Variants in CLIP1 observed in about 807,000 individuals in gnomAD.
The protein encoded by CLIP1 is CAP-Gly domain-containing linker protein 1.
In CLIP1, 66 loss-of-function variants were observed where a neutral mutation model predicts 161.6. The observed-to-expected ratio is 0.41, with a 90% CI of 0.33 to 0.50. CLIP1 has a LOEUF of 0.50. CLIP1 is among the 20% of genes least tolerant of loss of function. The pLI, the probability that CLIP1 is intolerant of heterozygous loss-of-function variation, is 0.27. For missense variants in CLIP1, 1,376 were observed against 1,702.0 expected (o/e 0.81, Z 3.37); for synonymous variants, 598 against 626.2 (o/e 0.96, Z 0.67).
At chr12:122,315,603 G>A (rs1053394980) in intron 19 of CLIP1, among the ~76,000 whole-genome samples, 3 of 151,556 alleles carry the variant, frequency 2.0e-5, no homozygotes, top group Non-Finnish European at 2.9e-5. Flanking sequence ...CTTCCAAAAT[G>A]CTGGTCATTT....
chr12:122,274,273 G>C, intron 24 of CLIP1, 111 bp from the exon 25 acceptor site: 1 of 840,940 alleles, frequency 1.2e-6, no homozygotes, highest in Non-Finnish European at 1.9e-6. Flanking sequence ...TGTGCAGAAG[G>C]GGCCAACAGC....
chr12:122,365,423 CG>C, intron 3 of CLIP1: 2 of 786,276 alleles, frequency 2.5e-6, no homozygotes, highest in Non-Finnish European at 4.6e-6. Context: ...AAATAATGTG[CG>C]TATGGAGCAC....
intron 1 of CLIP1, among the ~76,000 whole-genome samples, chr12:122,381,745 A>G (rs1187431974): frequency 6.6e-6 from 1 of 152,228 alleles, no homozygotes; most frequent in Non-Finnish European, 1.5e-5. Context: ...CTGGCCAGGG[A>G]TGACAAAGGT....
chr12:122,350,979 C>A, intron 9 of CLIP1, 132 bp downstream of exon 9: 2 of 602,380 alleles, frequency 3.3e-6, no homozygotes, highest in South Asian at 2.8e-5. Flanking sequence ...AAGCCACATG[C>A]ACAGAAACAT....
At chr12:122,329,323 C>T (rs4758665) in intron 15 of CLIP1, among the ~76,000 whole-genome samples, 94,736 of 151,120 alleles carry the variant, frequency 0.63, 29,975 homozygotes, top group Non-Finnish European at 0.64. Flanking sequence ...CAAGACTCTG[C>T]CTCAATTAAA....
intron 25 of CLIP1, among the ~76,000 whole-genome samples, chr12:122,273,410 C>CA (rs1198171174): frequency 1.3e-5 from 2 of 151,600 alleles, no homozygotes; most frequent in Admixed American, 6.6e-5. Flanking sequence ...CCACCCCACA[C>CA]AGTTACTTTT....
chr12:122,295,391 A>C (rs1207028851), intron 20 of CLIP1, among the ~76,000 whole-genome samples: 1 of 152,184 alleles, frequency 6.6e-6, no homozygotes, highest in Non-Finnish European at 1.5e-5. Context: ...AAGAAACTAG[A>C]TACATAAGGC....
chr12:122,390,033 C>T (rs907705571), intron 1 of CLIP1, among the ~76,000 whole-genome samples: 3 of 149,112 alleles, frequency 2.0e-5, no homozygotes, highest in African/African-American at 7.4e-5. Context: ...CCATGTGACG[C>T]GCCTGTTCCC....
Position 122,316,810 on chromosome 12 carries a change from T to C in CLIP1, c.3412A>G (p.Asn1138Asp). ...ACAGTCAGGAGTTCTTTTGATTTGTTCAGCTCTTCCACATTTTTCAAGTTG... is the reference window on the plus strand; with the variant it reads ...ACAGTCAGGAGTTCTTTTGATTTGTCCAGCTCTTCCACATTTTTCAAGTTG... ...ENNLKNVEELNKSKELLTVEN... is the reference protein window; with the variant it reads ...ENNLKNVEELDKSKELLTVEN... The change falls in exon 19 of 26, where the codon AAC becomes GAC. Residue 1138 changes from asparagine to aspartate, a missense_variant. Coordinates refer to ENST00000620786, the MANE Select transcript of CLIP1 (RefSeq NM_001247997.2). 1 of 1,597,280 alleles carries C rather than the reference T, an allele frequency of 6.3e-7. No individual in the cohort carries two copies. Among genetic ancestry groups the C allele is most frequent in the South Asian group, 1.2e-5 (1 of 85,472 alleles).
At chr12:122,413,820 T>A (rs1000267322) in intron 1 of CLIP1, among the ~76,000 whole-genome samples, 5 of 151,728 alleles carry the variant, frequency 3.3e-5, no homozygotes, top group Admixed American at 1.3e-4. Context: ...ACCCACCCAT[T>A]GAGTTAGTGC....
intron 20 of CLIP1, among the ~76,000 whole-genome samples, chr12:122,302,624 A>C (rs1176354623): frequency 1.3e-5 from 2 of 151,754 alleles, no homozygotes; most frequent in African/African-American, 4.8e-5. Flanking sequence ...TTGAGACAGA[A>C]TCTTGCTCTG....
chr12:122,349,194 T>C (rs1030039258), intron 9 of CLIP1, among the ~76,000 whole-genome samples: 3 of 152,184 alleles, frequency 2.0e-5, no homozygotes, highest in Non-Finnish European at 4.4e-5. Flanking sequence ...GGAGCTGAAA[T>C]CCAAAACTAC....
intron 21 of CLIP1, 152 bp downstream of exon 21, chr12:122,288,337 T>C: frequency 1.5e-6 from 1 of 673,420 alleles, no homozygotes; most frequent in Non-Finnish European, 2.4e-6. Context: ...CAAATGGATT[T>C]TCATATTTTG....
At chr12:122,397,064 C>A (rs1955940803) in intron 1 of CLIP1, among the ~76,000 whole-genome samples, 1 of 148,214 alleles carries the variant, frequency 6.7e-6, no homozygotes, top group Admixed American at 7.1e-5. Flanking sequence ...CAGGCGTAAG[C>A]CACCGTGCCT....
At chr12:122,349,822 A>G (rs1952933567) in intron 9 of CLIP1, among the ~76,000 whole-genome samples, 1 of 152,228 alleles carries the variant, frequency 6.6e-6, no homozygotes, top group East Asian at 1.9e-4. Context: ...GACCCAGATC[A>G]CTGAAGTAGC....
At chr12:122,382,991 CAG>C (rs1403977588) in intron 1 of CLIP1, among the ~76,000 whole-genome samples, 5 of 152,136 alleles carry the variant, frequency 3.3e-5, no homozygotes, top group African/African-American at 9.7e-5. Context: ...AAGTTTCAAG[CAG>C]AGTTATTTGT....
chr12:122,359,972 C>A (rs1283431782), intron 5 of CLIP1, among the ~76,000 whole-genome samples: 1 of 152,146 alleles, frequency 6.6e-6, no homozygotes, highest in East Asian at 1.9e-4. Context: ...AATAAAATAA[C>A]ACCTTAATAA....
At position 122,341,373 on chromosome 12, in the gene CLIP1, G is replaced by A; in HGVS notation, c.1831C>T (p.His611Tyr). ...ENESLKSKLE[H>Y]ANKENSDVIA... ...ACATCTGAGTTCTCTTTGTTGGCAT[G>A]CTCCAGCTTGCTTTTCAATGACTCG... The change falls in exon 11 of 26, where the codon CAT (histidine) becomes TAT (tyrosine). Residue 611 changes from histidine (H) to tyrosine (Y), a missense_variant. By Grantham distance (83) the His-to-Tyr change is moderately conservative. Around this residue, in one of 6 missense-constraint regions of CLIP1, gnomAD observed 948 missense variants for 1,134.8 expected, o/e 0.84. Transcript: ENST00000620786. The A allele has an allele frequency of 2.5e-6, 4 of 1,614,102 alleles. No individual in the cohort carries two copies. Among genetic ancestry groups the A allele is most frequent in the East Asian group, 2.2e-5 (1 of 44,870 alleles).
At position 122,411,771 on chromosome 12, in the gene CLIP1, G is replaced by A. The variant is rs1956542858; in HGVS notation, c.-107+10750C>T. Among the ~76,000 whole-genome samples the A allele has an allele frequency of 7.2e-5, 11 of 152,232 alleles. No homozygotes were observed. In the South Asian group the frequency reaches 2.3e-3, roughly 32 times the overall value. On this transcript the variant is annotated intron_variant, in intron 1 of 25. Coordinates refer to ENST00000620786, the MANE Select transcript of CLIP1 (RefSeq NM_001247997.2). ...CTCCTGCCTAGGGCTGGGAAAGTTG[G>A]CAGAAATAAGGAGTGACTGCTAATG... is the stretch of plus-strand genomic sequence containing the variant.
Sources: gnomAD v4.1 joint callset for allele counts (sites outside exome capture counted in the v4.1 genomes callset) on GRCh38, gnomAD v4.1.1 for gene constraint, gnomAD v4.1.1 regional missense constraint, MANE v1.5 for transcripts, NCBI Gene and HGNC (gene_info 2026-07-23, HGNC 2026-07-21) for gene names.